The following KCTD13 variants were observed in gnomAD, a reference collection of about 807,000 sequenced individuals.
The protein encoded by KCTD13 is BTB/POZ domain-containing adapter for CUL3-mediated RhoA degradation protein 1.
Under a neutral mutation model 32.3 loss-of-function variants are expected in KCTD13, and 15 were observed. The observed-to-expected ratio is 0.46, with a 90% confidence interval of 0.31 to 0.71. The LOEUF (loss-of-function observed/expected upper bound fraction) is 0.71, where lower values mean the gene tolerates loss of function less well. KCTD13 is among the 30% of genes least tolerant of loss of function. The pLI, the probability that KCTD13 is intolerant of heterozygous loss-of-function variation, is 0.05. For missense variants in KCTD13, 337 were observed against 452.6 expected, an observed-to-expected ratio of 0.74 and a Z score of 2.32; for synonymous variants, 189 against 200.1, an observed-to-expected ratio of 0.94 and a Z score of 0.47.
At chr16:29,916,347 CAA>C (rs2068809356) in intron 2 of KCTD13, among the ~76,000 whole-genome samples, 1 of 152,142 alleles carries the variant, frequency 6.6e-6, no homozygotes, top group Non-Finnish European at 1.5e-5. Context: ...CCTTGGCCTC[CAA>C]AAGTTATGGT....
At chr16:29,925,570 T>G in intron 1 of KCTD13, 2 of 562,420 alleles carry the variant, frequency 3.6e-6, no homozygotes, top group Non-Finnish European at 6.4e-6. Context: ...GTTCCGTAAG[T>G]GTTGGTTATT....
chr16:29,911,441 AT>A, intron 4 of KCTD13: 2 of 557,344 alleles, frequency 3.6e-6, no homozygotes, highest in Middle Eastern at 4.8e-4. Flanking sequence ...TGGTGTCCCC[AT>A]TTTTTAACTG....
intron 5 of KCTD13, 24 bp from the exon 6 acceptor site, chr16:29,907,132 G>T: frequency 1.3e-6 from 2 of 1,545,892 alleles, no homozygotes; most frequent in Non-Finnish European, 1.8e-6. Flanking sequence ...GCCGGCCCCA[G>T]CTCCTTCCTT....
intron 2 of KCTD13, chr16:29,912,997 C>A (rs926846276): frequency 6.6e-6 from 1 of 152,192 alleles, no homozygotes; most frequent in African/African-American, 2.4e-5. Context: ...ATCCCTCTCA[C>A]TTCTCCCAAC....
At position 29,911,078 on chromosome 16, in the gene KCTD13, C is replaced by T. The variant is rs2068699546; in HGVS notation, c.653G>A (p.Gly218Glu). The T allele has an allele frequency of 6.2e-7, 1 of 1,614,056 alleles. No homozygotes were observed. The highest frequency in any genetic ancestry group is 1.3e-5 in the African/African-American group (1 of 74,928). The change falls in exon 5 of 6, where the codon GGG becomes GAG. Residue 218 changes from glycine (G) to glutamate (E), a missense_variant. Transcript: ENST00000568000. ...GRLLFLKDVL[G>E]DEICCWSFYG... ...GAAAGACCAGCAGCAGATCTCGTCC[C>T]CCAGGACATCCTTGAGGAAGAGTAG...
At chr16:29,913,140 T>C (rs2068746579) in intron 2 of KCTD13, 1 of 151,724 alleles carries the variant, frequency 6.6e-6, no homozygotes, top group South Asian at 2.1e-4. Context: ...TTTTTTTTTT[T>C]TTTGAGACAG....
chr16:29,918,563 C>T (rs1304331437), intron 2 of KCTD13, among the ~76,000 whole-genome samples: 2 of 152,164 alleles, frequency 1.3e-5, no homozygotes, highest in Non-Finnish European at 2.9e-5. Flanking sequence ...CTCTGCCTCC[C>T]AGGTTCATAT....
intron 5 of KCTD13, among the ~76,000 whole-genome samples, chr16:29,909,318 G>A (rs557479579): frequency 2.0e-5 from 3 of 152,282 alleles, no homozygotes; most frequent in Non-Finnish European, 4.4e-5. Flanking sequence ...TGAGTCTTAA[G>A]ATTAAGTACA....
chr16:29,918,191 G>C (rs1283220060), intron 2 of KCTD13, among the ~76,000 whole-genome samples: 1 of 152,180 alleles, frequency 6.6e-6, no homozygotes, highest in East Asian at 1.9e-4. Context: ...TTCAGGTAAG[G>C]ATTATCAATT....
At chr16:29,923,745 G>C (rs11150575) in intron 1 of KCTD13, among the ~76,000 whole-genome samples, 62,537 of 148,008 alleles carry the variant, frequency 0.42, 14,782 homozygotes, top group Non-Finnish European at 0.54. Flanking sequence ...CCAGCTACTC[G>C]GGGGGGGGCG....
intron 2 of KCTD13, chr16:29,913,024 G>A (rs1028608421): frequency 2.0e-5 from 3 of 151,512 alleles, no homozygotes; most frequent in Non-Finnish European, 2.9e-5. Context: ...AACTCAATGC[G>A]CAATTCTAAT....
At position 29,906,680 on chromosome 16, in the gene KCTD13, G is replaced by C; in HGVS notation, c.*192C>G. ...CGGAAGGCTCTGAGTGGTGGGGCCGGAATGTACCATGTTGTTAGCAATGGG... is the reference window on the plus strand; with the variant it reads ...CGGAAGGCTCTGAGTGGTGGGGCCGCAATGTACCATGTTGTTAGCAATGGG... On this transcript the variant is annotated 3_prime_UTR_variant, in exon 6 of 6. Transcript: ENST00000568000. 1.5e-6 allele frequency: 1 copy of C among 689,606 alleles called. No homozygotes were observed. Among genetic ancestry groups the C allele is most frequent in the Non-Finnish European group, 2.6e-6 (1 of 377,904 alleles). 42.7% of individuals were successfully genotyped at this position (689,606 alleles called of 1,614,324 possible).
chr16:29,913,121 A>ATTTTT, intron 2 of KCTD13: 2 of 126,918 alleles, frequency 1.6e-5, no homozygotes, highest in East Asian at 2.1e-4. Context: ...TACTGAGGCC[A>ATTTTT]TTTTTTTTTT....
At chr16:29,922,922 C>A in intron 2 of KCTD13, 1 of 467,936 alleles carries the variant, frequency 2.1e-6, no homozygotes, top group Non-Finnish European at 3.8e-6. Flanking sequence ...TACTCAGGTG[C>A]GAGTGTAACA....
At chr16:29,913,186 G>A (rs2068747627) in intron 2 of KCTD13, 1 of 140,666 alleles carries the variant, frequency 7.1e-6, no homozygotes, top group Admixed American at 7.5e-5. Context: ...GCAGTGGCAT[G>A]ACCACAGCTT....
intron 2 of KCTD13, among the ~76,000 whole-genome samples, chr16:29,917,556 C>T (rs565216122): frequency 4.6e-5 from 7 of 152,012 alleles, no homozygotes; most frequent in Non-Finnish European, 1.0e-4. Context: ...CCAAGGCGGG[C>T]GGATCACGAG....
intron 5 of KCTD13, among the ~76,000 whole-genome samples, chr16:29,907,386 C>A (rs780521404): frequency 2.0e-5 from 3 of 152,204 alleles, no homozygotes; most frequent in Non-Finnish European, 4.4e-5. Flanking sequence ...AGTGAGTGCA[C>A]TGCACCAGGT....
chr16:29,908,141 G>A (rs529020451), intron 5 of KCTD13, among the ~76,000 whole-genome samples: 18 of 152,142 alleles, frequency 1.2e-4, no homozygotes, highest in Non-Finnish European at 1.8e-4. Flanking sequence ...GAGTGGGGGA[G>A]GGGACAAGGC....
intron 2 of KCTD13, chr16:29,919,950 T>C (rs2150842991): frequency 6.6e-6 from 1 of 152,338 alleles, no homozygotes; most frequent in Middle Eastern, 3.4e-3. Flanking sequence ...AGAAAAAATA[T>C]TGGCGATATC....
Sources: allele counts gnomAD v4.1 joint callset (sites outside exome capture counted in the v4.1 genomes callset), GRCh38; gene constraint gnomAD v4.1.1; transcripts MANE v1.5; gene names NCBI Gene and HGNC (gene_info 2026-07-23, HGNC 2026-07-21).